CEPT1: variants seen among roughly 807,000 people sequenced by gnomAD.
CEPT1 encodes the protein choline/ethanolamine phosphotransferase 1, also known as choline/ethanolaminephosphotransferase 1.
In CEPT1, 7 loss-of-function variants were observed where a neutral mutation model predicts 42.6. That is an observed-to-expected ratio of 0.16 (90% CI 0.09 to 0.31). CEPT1 has a LOEUF of 0.31. Ranked by LOEUF, CEPT1 falls within the 10% of genes least tolerant of loss-of-function variation. The pLI, the probability that CEPT1 is intolerant of heterozygous loss-of-function variation, is 1.00. For synonymous variants in CEPT1, 171 were observed against 171.9 expected (o/e 0.99, Z 0.04); for missense variants, 306 against 502.1 (o/e 0.61, Z 3.73).
chr1:111,145,551 C>T (rs149547291), intron 1 of CEPT1, among the ~76,000 whole-genome samples: 1 of 152,358 alleles, frequency 6.6e-6, no homozygotes, highest in Non-Finnish European at 1.5e-5. Flanking sequence ...ATTGTGTTCA[C>T]ATGTCCATAC....
intron 2 of CEPT1, among the ~76,000 whole-genome samples, chr1:111,158,023 C>T (rs1026940919): frequency 5.3e-5 from 8 of 152,032 alleles, no homozygotes; most frequent in Non-Finnish European, 1.2e-4. Flanking sequence ...TCAAATAAGA[C>T]CTCTTCTTTT....
At chr1:111,171,978 C>T (rs1437740507) in intron 4 of CEPT1, among the ~76,000 whole-genome samples, 1 of 152,194 alleles carries the variant, frequency 6.6e-6, no homozygotes, top group African/African-American at 2.4e-5. Context: ...CTCAGGTGAT[C>T]CGCCTGCCTC....
At chr1:111,140,852 C>T (rs1372133509) in intron 1 of CEPT1, among the ~76,000 whole-genome samples, 1 of 152,196 alleles carries the variant, frequency 6.6e-6, no homozygotes, top group African/African-American at 2.4e-5. Context: ...TATTGATAAG[C>T]TGTGAGATTG....
chr1:111,161,396 T>C, intron 4 of CEPT1, 100 bp downstream of exon 4: 1 of 1,177,100 alleles, frequency 8.5e-7, no homozygotes. Flanking sequence ...ATCACTAAGT[T>C]AGTTTAATAA....
chr1:111,139,537 T>C (rs1420248802), upstream of CEPT1: 1 of 152,208 alleles, frequency 6.6e-6, no homozygotes, highest in Non-Finnish European at 1.5e-5. Flanking sequence ...GTGTACTCAA[T>C]TAGCTTTTGT....
At chr1:111,168,864 G>A (rs1055863743) in intron 4 of CEPT1, among the ~76,000 whole-genome samples, 1 of 152,078 alleles carries the variant, frequency 6.6e-6, no homozygotes, top group African/African-American at 2.4e-5. Context: ...AATAACCTTG[G>A]AATGTGGAAA....
chr1:111,140,915 G>T lies in CEPT1; in HGVS notation c.-74+608G>T, dbSNP rs555937121. On this transcript the variant is annotated intron_variant, in intron 1 of 8. Coordinates refer to ENST00000357172, the MANE Select transcript of CEPT1 (RefSeq NM_006090.5). Reference sequence around the variant, plus strand: ...CTTGCAAGGAGAAATAACCAAAAGAGTTGCTGGTGTTTGCCAGTATTCCCA... The same window carrying T: ...CTTGCAAGGAGAAATAACCAAAAGATTTGCTGGTGTTTGCCAGTATTCCCA... Among the ~76,000 whole-genome samples, 10 of 152,346 alleles carry T rather than the reference G, an allele frequency of 6.6e-5. No individual in the cohort carries two copies. In the South Asian group the frequency reaches 2.1e-3, roughly 32 times the overall value.
intron 4 of CEPT1, among the ~76,000 whole-genome samples, chr1:111,164,478 T>G (rs1039709791): frequency 1.3e-5 from 2 of 152,154 alleles, no homozygotes; most frequent in African/African-American, 4.8e-5. Context: ...AAATATGAAT[T>G]GAAGCTCATC....
intron 4 of CEPT1, chr1:111,167,690 A>G (rs997759633): frequency 1.0e-5 from 10 of 983,122 alleles, no homozygotes; most frequent in Admixed American, 6.1e-5. Context: ...TTGGTGTTGT[A>G]TAATATTTAT....
At chr1:111,166,003 G>A (rs1047566322) in intron 4 of CEPT1, among the ~76,000 whole-genome samples, 2 of 152,110 alleles carry the variant, frequency 1.3e-5, no homozygotes, top group African/African-American at 4.8e-5. Context: ...TCTAATCCCT[G>A]CGTAGAATCT....
At chr1:111,143,227 G>A (rs750592632) in intron 1 of CEPT1, among the ~76,000 whole-genome samples, 1 of 152,146 alleles carries the variant, frequency 6.6e-6, no homozygotes, top group Non-Finnish European at 1.5e-5. Flanking sequence ...TCGTACCTGA[G>A]CAAGACAAAC....
chr1:111,171,720 A>G (rs548870273), intron 4 of CEPT1, among the ~76,000 whole-genome samples: 27 of 152,316 alleles, frequency 1.8e-4, no homozygotes, highest in African/African-American at 6.0e-4. Context: ...TATTAAAATG[A>G]AGTAGAAATA....
chr1:111,157,276 C>T (rs889165557), intron 2 of CEPT1, among the ~76,000 whole-genome samples: 1 of 151,980 alleles, frequency 6.6e-6, no homozygotes, highest in Non-Finnish European at 1.5e-5. Flanking sequence ...CAACATTTTG[C>T]CCCATTAAAA....
rs1657038871 is a variant in CEPT1, at chr1:111,182,483, A to G, written c.846+165A>G. The G allele has an allele frequency of 7.1e-6, 5 of 701,742 alleles. No individual in the cohort carries two copies. The Admixed American group carries it at 9.5e-5, about 13-fold the overall frequency. The allele number at this position is 701,742 out of a possible 1,614,324, so 43.5% of individuals were successfully genotyped here. ...ACTTCAATTTTATATATACTTACCC[A>G]CATTTATATGCTTTATATATTCATA... On this transcript the variant is annotated intron_variant, in intron 6 of 8. Transcript: ENST00000357172.
At chr1:111,168,673 A>G (rs1656262872) in intron 4 of CEPT1, among the ~76,000 whole-genome samples, 1 of 152,088 alleles carries the variant, frequency 6.6e-6, no homozygotes, top group Non-Finnish European at 1.5e-5. Context: ...TATTTTTAGT[A>G]GAGACGGGGT....
chr1:111,148,449 GTT>G (rs896470358), intron 2 of CEPT1, among the ~76,000 whole-genome samples: 1 of 151,314 alleles, frequency 6.6e-6, no homozygotes, highest in African/African-American at 2.4e-5. Flanking sequence ...TTATCAAAAG[GTT>G]TTTTTTCCAT....
At position 111,183,512 on chromosome 1, in the gene CEPT1, A is replaced by G; in HGVS notation, c.1056A>G (p.Ile352Met). 1 of 1,613,738 alleles carries G rather than the reference A, an allele frequency of 6.2e-7. No individual in the cohort carries two copies. Among genetic ancestry groups the G allele is most frequent in the Non-Finnish European group, 8.5e-7 (1 of 1,179,612 alleles). ...SEMHLHDTAF[I>M]GPALLFLDQY... ...TGCATTTGCATGACACAGCATTCATAGGTCCGGCACTTTTGTTTCTGGACC... is the reference window on the plus strand; with the variant it reads ...TGCATTTGCATGACACAGCATTCATGGGTCCGGCACTTTTGTTTCTGGACC... Residue 352 changes from isoleucine to methionine, a missense_variant, in exon 8 of 9, where the codon ATA becomes ATG. Physicochemically the swap from Ile to Met is conservative, Grantham distance 10 (BLOSUM62 1). This residue lies in a region of CEPT1 where 253 missense variants were observed against 447.3 expected (regional missense o/e 0.57). Transcript: ENST00000357172.
chr1:111,181,405 T>C (rs2101407164), intron 5 of CEPT1: 1 of 152,328 alleles, frequency 6.6e-6, no homozygotes, highest in South Asian at 2.1e-4. Flanking sequence ...GTATTTCATT[T>C]TAAATGATAG....
At chr1:111,161,446 A>G (rs1237925341) in intron 4 of CEPT1, 150 bp downstream of exon 4, 3 of 712,994 alleles carry the variant, frequency 4.2e-6, no homozygotes, top group African/African-American at 1.8e-5. Flanking sequence ...CTATTTCCTA[A>G]TAGTCTCTGC....
Sources: allele counts gnomAD v4.1 joint callset (sites outside exome capture counted in the v4.1 genomes callset), GRCh38; gene constraint gnomAD v4.1.1; regional missense constraint gnomAD v4.1.1; transcripts MANE v1.5; gene names NCBI Gene and HGNC (gene_info 2026-07-23, HGNC 2026-07-21).